The following ADSS1 variants were observed in gnomAD, a reference collection of about 807,000 sequenced individuals.
ADSS1 encodes adenylosuccinate synthase 1.
Under a neutral mutation model 59.1 loss-of-function variants are expected in ADSS1, and 57 were observed. That is an observed-to-expected ratio of 0.97 (90% CI 0.78 to 1.20). The LOEUF is 1.20. Among genes scored for constraint, ADSS1 ranks in the 50% most tolerant of loss-of-function variants. The pLI is 0.00. For synonymous variants in ADSS1, 247 were observed against 249.4 expected, an observed-to-expected ratio of 0.99 and a Z score of 0.09; for missense variants, 603 against 610.3, an observed-to-expected ratio of 0.99 and a Z score of 0.13.
At chr14:104,731,973 G>A (rs1229849251) in intron 1 of ADSS1, among the ~76,000 whole-genome samples, 4 of 152,208 alleles carry the variant, frequency 2.6e-5, no homozygotes, top group African/African-American at 9.6e-5. Flanking sequence ...CAGTGCGTCT[G>A]TGCAAGAGGA....
Position 104,744,759 on chromosome 14 carries a change from C to T in ADSS1, c.1074-53C>T. ...GAGGTCAAAAGCAAGCGGAAGAAACCCCAGCACTGCTGACCACTTCTTGGG... is the reference window on the plus strand; with the variant it reads ...GAGGTCAAAAGCAAGCGGAAGAAACTCCAGCACTGCTGACCACTTCTTGGG... On this transcript the variant is annotated intron_variant, in intron 10 of 12. Transcript: ENST00000330877. The T allele has an allele frequency of 1.9e-6, 3 of 1,570,212 alleles. No individual in the cohort carries two copies. The South Asian group carries it at 3.3e-5, about 17-fold the overall frequency.
chr14:104,744,901 A>G lies in ADSS1; in HGVS notation c.1163A>G (p.Tyr388Cys), dbSNP rs374256215. The change falls in exon 11 of 13, where the codon TAT becomes TGT. Residue 388 changes from tyrosine (Y) to cysteine (C), a missense_variant. By Grantham distance (194) the Tyr-to-Cys change is radical. Transcript: ENST00000330877. ...AAGCTGAACGGGAAAAGGATTCCCT[A>G]TTTCCCAGGTATGTGAAGTGGGGCA... ...SYKLNGKRIP[Y>C]FPANQEMLQK... 1.2e-6 allele frequency: 2 copies of G among 1,613,768 alleles called. No homozygotes were observed. The highest frequency in any genetic ancestry group is 1.1e-5 in the South Asian group (1 of 91,090).
chr14:104,736,316 G>A (rs1410706570), intron 2 of ADSS1, among the ~76,000 whole-genome samples: 2 of 152,232 alleles, frequency 1.3e-5, no homozygotes, highest in East Asian at 3.9e-4. Context: ...GCTCCGGGTT[G>A]TGCTGCAGGA....
chr14:104,727,660 C>T (rs983564929), intron 1 of ADSS1, among the ~76,000 whole-genome samples: 2 of 152,178 alleles, frequency 1.3e-5, no homozygotes, highest in Non-Finnish European at 2.9e-5. Flanking sequence ...CCTTCCCCTG[C>T]GTGCTGTCCA....
chr14:104,743,246 G>A, intron 10 of ADSS1, 55 bp downstream of exon 10: 1 of 1,592,380 alleles, frequency 6.3e-7, no homozygotes, highest in Non-Finnish European at 8.5e-7. Flanking sequence ...CCCGACACCT[G>A]CAGAGGCAAG....
chr14:104,735,408 TGATCCC>T (rs1891084029), intron 2 of ADSS1, among the ~76,000 whole-genome samples: 1 of 152,230 alleles, frequency 6.6e-6, no homozygotes, highest in Non-Finnish European at 1.5e-5. Flanking sequence ...CCCTGATCCC[TGATCCC>T]TCACATGCAC....
At chr14:104,725,241 G>A (rs1362966626) in intron 1 of ADSS1, among the ~76,000 whole-genome samples, 1 of 152,184 alleles carries the variant, frequency 6.6e-6, no homozygotes, top group Non-Finnish European at 1.5e-5. Flanking sequence ...CTGCACACTG[G>A]GCACTCTCTC....
At chr14:104,736,305 C>T (rs896039679) in intron 2 of ADSS1, among the ~76,000 whole-genome samples, 1 of 152,212 alleles carries the variant, frequency 6.6e-6, no homozygotes, top group Non-Finnish European at 1.5e-5. Flanking sequence ...GCTGGCTGGC[C>T]GCTCCGGGTT....
At chr14:104,734,919 C>A in intron 1 of ADSS1, 101 bp from the exon 2 acceptor site, 1 of 963,850 alleles carries the variant, frequency 1.0e-6, no homozygotes, top group Non-Finnish European at 1.6e-6. Context: ...AATCCAACAG[C>A]AGTGCCCTGC....
At position 104,746,524 on chromosome 14, in the gene ADSS1, G is replaced by A. The variant is rs138539597; in HGVS notation, c.1321+139G>A. 347 of 1,268,894 alleles carry A rather than the reference G, an allele frequency of 2.7e-4. 2 individuals carry two copies. In the Middle Eastern group the frequency reaches 3.1e-3, roughly 11 times the overall value. 78.6% of individuals were successfully genotyped at this position (1,268,894 alleles called of 1,614,324 possible). On this transcript the variant is annotated intron_variant, in intron 12 of 12. Transcript: ENST00000330877. The stretch of plus-strand genomic sequence containing the variant: ...AATATATTGCATGGCAGGAGGGGAG[G>A]ACGACTCGGAGCTGGGGCAGTGTGG...
intron 1 of ADSS1, among the ~76,000 whole-genome samples, chr14:104,729,248 A>G (rs1300994700): frequency 6.6e-6 from 1 of 152,138 alleles, no homozygotes; most frequent in African/African-American, 2.4e-5. Flanking sequence ...CTGGCAGGTC[A>G]AAGGAGGTCA....
intron 1 of ADSS1, among the ~76,000 whole-genome samples, chr14:104,733,129 C>T (rs1595199015): frequency 6.6e-6 from 1 of 152,232 alleles, no homozygotes; most frequent in African/African-American, 2.4e-5. Context: ...CCCACAAGGC[C>T]TCCAGGTGCC....
chr14:104,735,985 G>C (rs907137053), intron 2 of ADSS1, among the ~76,000 whole-genome samples: 19 of 152,236 alleles, frequency 1.2e-4, no homozygotes, highest in Non-Finnish European at 2.4e-4. Flanking sequence ...CAGCCCGTCA[G>C]GAAGTGGGGG....
intron 10 of ADSS1, 97 bp downstream of exon 10, chr14:104,743,288 A>G (rs1429215692): frequency 4.4e-5 from 68 of 1,534,362 alleles, no homozygotes; most frequent in Middle Eastern, 1.7e-4. Flanking sequence ...AGGGCCACCA[A>G]GTCTCCTTGG....
rs377285572 is a variant in ADSS1, at chr14:104,724,445, A to G, written c.175A>G (p.Ile59Val). ...GGACCTGCTGGCCACGGACGCCGAC[A>G]TCATCAGCCGCTGCCAGGTGCGGGC... ...VVDLLATDADIISRCQGGNNA... is the reference protein window; with the variant it reads ...VVDLLATDADVISRCQGGNNA... Residue 59 changes from isoleucine (I) to valine (V), a missense_variant, in exon 1 of 13, where the codon ATC becomes GTC. Transcript: ENST00000330877. 193 of 1,255,376 alleles carry G rather than the reference A, an allele frequency of 1.5e-4. No individual in the cohort carries two copies. Among genetic ancestry groups the G allele is most frequent in the Middle Eastern group, 6.1e-4 (2 of 3,292 alleles). The allele number at this position is 1,255,376 out of a possible 1,614,324, so 77.8% of individuals were successfully genotyped here.
At chr14:104,735,507 G>A (rs1006878792) in intron 2 of ADSS1, among the ~76,000 whole-genome samples, 5 of 152,208 alleles carry the variant, frequency 3.3e-5, no homozygotes, top group African/African-American at 9.7e-5. Context: ...ATGTGCTTGC[G>A]ACAGGCCTGG....
At position 104,738,424 on chromosome 14, in the gene ADSS1, A is replaced by G. The variant is rs764190265; in HGVS notation, c.344A>G (p.Lys115Arg). The G allele has an allele frequency of 5.0e-6, 8 of 1,613,754 alleles. No homozygotes were observed. The highest frequency in any genetic ancestry group is 6.8e-6 in the Non-Finnish European group (8 of 1,179,854). ...HLPGLFEEAE[K>R]NEKKGLKDWE... ...CCAGGCTTGTTTGAGGAAGCAGAGA[A>G]GAATGAAAAGAAAGGTAGGTCCAAG... is the stretch of plus-strand genomic sequence containing the variant. The change falls in exon 3 of 13, where the codon AAG becomes AGG. Residue 115 changes from lysine to arginine, a missense_variant. Transcript: ENST00000330877.
At chr14:104,734,389 G>A (rs866851203) in intron 1 of ADSS1, among the ~76,000 whole-genome samples, 15 of 152,324 alleles carry the variant, frequency 9.8e-5, no homozygotes, top group Middle Eastern at 3.4e-3. Context: ...TTGGGGAAGC[G>A]AAGGCAGTGG....
chr14:104,744,703 T>C, intron 10 of ADSS1, 109 bp from the exon 11 acceptor site: 1 of 1,032,930 alleles, frequency 9.7e-7, no homozygotes. Flanking sequence ...GCCCAGGGAC[T>C]GGGGACCCCT....
Sources: gnomAD v4.1 joint callset for allele counts (sites outside exome capture counted in the v4.1 genomes callset) on GRCh38, gnomAD v4.1.1 for gene constraint, MANE v1.5 for transcripts, NCBI Gene and HGNC (gene_info 2026-07-23, HGNC 2026-07-21) for gene names.